The following TRPM2 variants were observed in gnomAD, a reference collection of about 807,000 sequenced individuals.
TRPM2 encodes the protein estrogen-responsive element-associated gene 1 protein.
In TRPM2, 161 loss-of-function variants were observed where a neutral mutation model predicts 174.0. The observed-to-expected ratio is 0.93, with a 90% CI of 0.81 to 1.05. The LOEUF (loss-of-function observed/expected upper bound fraction) is 1.05, where lower values mean the gene tolerates loss of function less well. Ranked by LOEUF, TRPM2 falls within the 50% of genes least tolerant of loss-of-function variation. The pLI, the probability that TRPM2 is intolerant of heterozygous loss-of-function variation, is 0.00. For missense variants in TRPM2, 2,057 were observed against 2,038.0 expected (o/e 1.01, Z -0.18); for synonymous variants, 954 against 861.3 (o/e 1.11, Z -1.88).
chr21:44,441,099 G>C (rs2146435152), intron 31 of TRPM2, among the ~76,000 whole-genome samples, 194 bp downstream of exon 31: 1 of 152,316 alleles, frequency 6.6e-6, no homozygotes, highest in Non-Finnish European at 1.5e-5. Context: ...GCTTCCAAGG[G>C]AGGGACCTGG....
intron 19 of TRPM2, among the ~76,000 whole-genome samples, chr21:44,409,270 C>T (rs1485584602): frequency 6.6e-6 from 1 of 152,058 alleles, no homozygotes; most frequent in Non-Finnish European, 1.5e-5. Context: ...TTTTGTTTGC[C>T]CTGGTGTGCG....
intron 19 of TRPM2, among the ~76,000 whole-genome samples, chr21:44,408,872 G>A (rs1190077444): frequency 6.6e-6 from 1 of 151,954 alleles, no homozygotes; most frequent in African/African-American, 2.4e-5. Context: ...TGGCCAGGCT[G>A]GTCTCGATCT....
At chr21:44,357,495 G>A (rs749244681) in intron 2 of TRPM2, among the ~76,000 whole-genome samples, 8 of 152,332 alleles carry the variant, frequency 5.3e-5, no homozygotes, top group African/African-American at 1.7e-4. Context: ...GACACAGGCC[G>A]AGTCTGGAGA....
chr21:44,400,451 T>G, intron 15 of TRPM2, 80 bp downstream of exon 15: 8 of 1,219,472 alleles, frequency 6.6e-6, no homozygotes, highest in Non-Finnish European at 9.3e-6. Context: ...GGATCTTCCC[T>G]AGATCCCCTC....
chr21:44,417,033 CGT>C (rs2050313298), intron 20 of TRPM2, among the ~76,000 whole-genome samples: 1 of 110,274 alleles, frequency 9.1e-6, no homozygotes, highest in Non-Finnish European at 1.8e-5. Flanking sequence ...ACAGTGGGCA[CGT>C]GGGCATGGCT....
chr21:44,377,892 C>T, intron 7 of TRPM2, 119 bp downstream of exon 7: 2 of 1,176,626 alleles, frequency 1.7e-6, no homozygotes, highest in Non-Finnish European at 2.4e-6. Context: ...TGAGCTTTCC[C>T]ACCAGAAGAA....
At chr21:44,400,015 A>G (rs1323428703) in intron 14 of TRPM2, among the ~76,000 whole-genome samples, 1 of 152,222 alleles carries the variant, frequency 6.6e-6, no homozygotes, top group African/African-American at 2.4e-5. Context: ...CCAGTGCTCT[A>G]CAGCCTGCAA....
Position 44,376,010 on chromosome 21 carries a change from G to A in TRPM2, c.949G>A (p.Gly317Arg), listed in dbSNP as rs764168533. ...KFISEQTKER[G>R]GVAIKIPIVC... ...CATATCGGAGCAGACCAAGGAAAGA[G>A]GAGGTAGGGGAGCTTGCTTTCGAGG... The change falls in exon 6 of 32, where the codon GGA becomes AGA. Residue 317 changes from glycine to arginine, a missense_variant. Gly to Arg is a moderately radical substitution (Grantham distance 125). Coordinates refer to ENST00000397928, the MANE Select transcript of TRPM2 (RefSeq NM_003307.4). The surrounding 1 kb of genome is among the most constrained non-coding windows in gnomAD (Gnocchi z 4.2). 1 of 1,611,524 alleles carries A rather than the reference G, an allele frequency of 6.2e-7. No individual in the cohort carries two copies. The highest frequency in any genetic ancestry group is 1.3e-5 in the African/African-American group (1 of 75,016).
intron 27 of TRPM2, among the ~76,000 whole-genome samples, chr21:44,431,210 G>A (rs2051010149): frequency 6.6e-6 from 1 of 151,682 alleles, no homozygotes; most frequent in Non-Finnish European, 1.5e-5. Flanking sequence ...AGACCTGGTA[G>A]GCTGTAACCC....
At chr21:44,426,152 A>G (rs1311716197) in intron 25 of TRPM2, among the ~76,000 whole-genome samples, 3 of 124,694 alleles carry the variant, frequency 2.4e-5, no homozygotes, top group African/African-American at 9.4e-5. Flanking sequence ...CCCTGGTCCT[A>G]GACCCCACCC....
intron 11 of TRPM2, among the ~76,000 whole-genome samples, chr21:44,392,025 C>T (rs958407895): frequency 1.1e-4 from 16 of 150,014 alleles, no homozygotes; most frequent in African/African-American, 3.7e-4. Flanking sequence ...AGTGCAGTGG[C>T]GTGATCTTAG....
intron 30 of TRPM2, among the ~76,000 whole-genome samples, chr21:44,440,472 G>A (rs932310040): frequency 3.3e-5 from 5 of 152,098 alleles, no homozygotes; most frequent in Admixed American, 2.0e-4. Flanking sequence ...TGGATTTGCC[G>A]GTTCTGGGTG....
intron 3 of TRPM2, among the ~76,000 whole-genome samples, chr21:44,365,900 G>C (rs1222070196): frequency 6.6e-6 from 1 of 152,238 alleles, no homozygotes; most frequent in Admixed American, 6.5e-5. Flanking sequence ...CCCACGTTCT[G>C]ATGGTGACAG....
rs769347610 is a variant in TRPM2 at position 44,390,921 on chromosome 21, C to A, written c.1336C>A (p.His446Asn). 4 of 1,614,068 alleles carry A rather than the reference C, an allele frequency of 2.5e-6. No individual in the cohort carries two copies. Among genetic ancestry groups the A allele is most frequent in the Non-Finnish European group, 3.4e-6 (4 of 1,180,024 alleles). The part of the protein sequence containing the change: ...ALLKASRSQD[H>N]FGHENWDHQL... ...ATCTGCAGCCTCACGGAGCCAAGAC[C>A]ACTTTGGCCACGAGAACTGGGACCA... The change falls in exon 10 of 32, where the codon CAC becomes AAC. Residue 446 changes from histidine (H) to asparagine (N), a missense_variant. By Grantham distance (68) the His-to-Asn change is moderately conservative (BLOSUM62 1). Transcript: ENST00000397928.
chr21:44,350,899 A>G (rs2047917989), upstream of TRPM2, among the ~76,000 whole-genome samples: 1 of 152,088 alleles, frequency 6.6e-6, no homozygotes, highest in Non-Finnish European at 1.5e-5. Context: ...GTCCGCCGGG[A>G]CAGCAGGCCC....
chr21:44,422,611 C>T (rs996564995), intron 22 of TRPM2, among the ~76,000 whole-genome samples: 16 of 152,172 alleles, frequency 1.1e-4, no homozygotes, highest in African/African-American at 3.9e-4. Flanking sequence ...GCAGTGGGCG[C>T]TGTGGATGAA....
intron 22 of TRPM2, among the ~76,000 whole-genome samples, chr21:44,421,116 A>G (rs922094998): frequency 6.6e-6 from 1 of 152,092 alleles, no homozygotes; most frequent in Non-Finnish European, 1.5e-5. Context: ...TTAGGAGATC[A>G]AGACTATCCT....
At chr21:44,357,188 A>G (rs1010146380) in intron 2 of TRPM2, among the ~76,000 whole-genome samples, 1 of 152,178 alleles carries the variant, frequency 6.6e-6, no homozygotes, top group Non-Finnish European at 1.5e-5. Flanking sequence ...CTCTGGTTTG[A>G]ACGCCGCTGA....
chr21:44,375,563 C>T (rs2048673973), intron 5 of TRPM2, among the ~76,000 whole-genome samples: 1 of 152,226 alleles, frequency 6.6e-6, no homozygotes, highest in Non-Finnish European at 1.5e-5. Flanking sequence ...TTGCCCCTGC[C>T]TCTGTGGTCC....
Sources: gnomAD v4.1 joint callset for allele counts (sites outside exome capture counted in the v4.1 genomes callset) on GRCh38, gnomAD v4.1.1 for gene constraint, Gnocchi (gnomAD v3.1) non-coding constraint, MANE v1.5 for transcripts, NCBI Gene and HGNC (gene_info 2026-07-23, HGNC 2026-07-21) for gene names.